Variants in TRIP13 observed in about 807,000 individuals in gnomAD.
The protein encoded by TRIP13 is thyroid hormone receptor interactor 13.
A neutral mutation model predicts 54.4 loss-of-function variants in TRIP13; 25 were observed. The ratio of observed to expected loss-of-function variants is 0.46; its 90% CI spans 0.33 to 0.64. The LOEUF (loss-of-function observed/expected upper bound fraction) is 0.64, where lower values mean the gene tolerates loss of function less well. Ranked by LOEUF, TRIP13 falls within the 30% of genes least tolerant of loss-of-function variation. The pLI is 0.02. For missense variants in TRIP13, 373 were observed against 534.2 expected, an observed-to-expected ratio of 0.70 and a Z score of 2.97; for synonymous variants, 207 against 207.8, an observed-to-expected ratio of 1.00 and a Z score of 0.03.
In TRIP13 at chr5:915,533, G is replaced by A. The variant is rs1253832462; in HGVS notation, c.1134-371G>A. Among the ~76,000 whole-genome samples the A allele has an allele frequency of 1.3e-5, 2 of 150,404 alleles. No individual in the cohort carries two copies. The highest frequency in any genetic ancestry group is 3.0e-5 in the Non-Finnish European group (2 of 67,386). ...CGGGCAGGTGATGCATTCCCTGAGC[G>A]CAAGGATGCTGGCCCTGGGGCAGAG... On this transcript the variant is annotated intron_variant, in intron 11 of 12. Transcript: ENST00000166345. This position sits in a 1 kb window ranked among gnomAD's most constrained non-coding sequence, Gnocchi z 4.2.
Position 907,774 on chromosome 5 carries a change from C to T in TRIP13, c.673-214C>T, listed in dbSNP as rs1175772047. ...GCAGGTCAGGTGTGGTCTCAGGTCTCAGCACCCTGGCATTCAAAGCAGAGG... is the reference window on the plus strand; with the variant it reads ...GCAGGTCAGGTGTGGTCTCAGGTCTTAGCACCCTGGCATTCAAAGCAGAGG... On this transcript the variant is annotated intron_variant, in intron 7 of 12. Coordinates refer to ENST00000166345, the MANE Select transcript of TRIP13 (RefSeq NM_004237.4). This position sits in a 1 kb window ranked among gnomAD's most constrained non-coding sequence, Gnocchi z 4.1. Among the ~76,000 whole-genome samples, 1 of 152,250 alleles carries T rather than the reference C, an allele frequency of 6.6e-6. No homozygotes were observed. The highest frequency in any genetic ancestry group is 2.4e-5 in the African/African-American group (1 of 41,470).
intron 5 of TRIP13, among the ~76,000 whole-genome samples, chr5:902,355 T>C (rs1325226672): frequency 6.6e-6 from 1 of 152,176 alleles, no homozygotes; most frequent in East Asian, 1.9e-4. Context: ...TAAAACACAA[T>C]GTTCTTTTAA....
At chr5:906,735 T>C (rs1202910233) in intron 6 of TRIP13, among the ~76,000 whole-genome samples, 1 of 152,202 alleles carries the variant, frequency 6.6e-6, no homozygotes, top group Non-Finnish European at 1.5e-5. Context: ...ATTCCTGGGC[T>C]CTGGGGTCTG....
intron 2 of TRIP13, among the ~76,000 whole-genome samples, chr5:896,457 C>T (rs775295554): frequency 1.3e-4 from 20 of 152,078 alleles, no homozygotes; most frequent in Non-Finnish European, 2.9e-4. Context: ...AAATGTAGGG[C>T]CCAAAGAGCA....
Position 907,134 on chromosome 5 carries a change from C to T in TRIP13, c.613C>T (p.Arg205Ter), listed in dbSNP as rs767260137. The T allele has an allele frequency of 6.2e-7, 1 of 1,613,822 alleles. No individual in the cohort carries two copies. Among genetic ancestry groups the T allele is most frequent in the Non-Finnish European group, 8.5e-7 (1 of 1,179,886 alleles). Reference sequence around the variant, plus strand: ...AACTCCTTTTTTCTATCTCAGGTACCGATATGGCCAATTAATTGAAATAAA... The same window carrying T: ...AACTCCTTTTTTCTATCTCAGGTACTGATATGGCCAATTAATTGAAATAAA... ...KLTIRLSSRY[R>*]YGQLIEINSH... Residue 205 changes from arginine to a stop codon, truncating the protein, a stop_gained, in exon 7 of 13, where the codon CGA (arginine) becomes TGA (stop). Transcript: ENST00000166345. LOFTEE classifies it high-confidence loss of function. The surrounding 1 kb of genome is among the most constrained non-coding windows in gnomAD (Gnocchi z 4.1).
chr5:917,323 CTGTT>C lies in TRIP13; in HGVS notation c.*224_*227del, dbSNP rs1754361186. On this transcript the variant is annotated 3_prime_UTR_variant, in exon 13 of 13. Transcript: ENST00000166345. ...AGAGACAAACATCTTGTCATTTTCA[CTGTT>C]TGTAAAAGATAATTCAGATTGTTTG... 2.1e-6 allele frequency: 1 copy of C among 486,696 alleles called. No individual in the cohort carries two copies. The highest frequency in any genetic ancestry group is 2.0e-5 in the African/African-American group (1 of 50,298). 30.1% of individuals were successfully genotyped at this position (486,696 alleles called of 1,614,324 possible). A position where few individuals can be genotyped will look rare whatever the true frequency, so the allele number is the denominator to read the frequency against.
At position 892,948 on chromosome 5, in the gene TRIP13, A is replaced by G. The variant is rs981681106; in HGVS notation, c.-51A>G. On this transcript the variant is annotated 5_prime_UTR_variant, in exon 1 of 13. Coordinates refer to ENST00000166345, the MANE Select transcript of TRIP13 (RefSeq NM_004237.4). ...GGCTGTGGCGGCGACGCTGGGCGTGAGGTGGCGGCGGCCGCGCCCTGGTTG... is the reference window on the plus strand; with the variant it reads ...GGCTGTGGCGGCGACGCTGGGCGTGGGGTGGCGGCGGCCGCGCCCTGGTTG... The G allele has an allele frequency of 2.5e-5, 35 of 1,416,178 alleles. No homozygotes were observed. Among genetic ancestry groups the G allele is most frequent in the Non-Finnish European group, 3.1e-5 (33 of 1,080,712 alleles). 87.7% of individuals were successfully genotyped at this position (1,416,178 alleles called of 1,614,324 possible).
chr5:893,021 T>G lies in TRIP13; in HGVS notation c.23T>G (p.Leu8Arg). Residue 8 changes from leucine (L) to arginine (R), a missense_variant, in exon 1 of 13, where the codon CTG becomes CGG. Physicochemically the swap from Leu to Arg is moderately radical, Grantham distance 102 (BLOSUM62 -2). This residue lies in a region of TRIP13 where 151 missense variants were observed against 151.9 expected (regional missense o/e 0.99). Coordinates refer to ENST00000166345, the MANE Select transcript of TRIP13 (RefSeq NM_004237.4). ...GCCATGGACGAGGCCGTGGGCGACC[T>G]GAAGCAGGCGCTTCCCTGTGTGGCC... MDEAVGDLKQALPCVAES... is the reference protein window; with the variant it reads MDEAVGDRKQALPCVAES... 1.3e-6 allele frequency: 2 copies of G among 1,591,032 alleles called. No individual in the cohort carries two copies. The highest frequency in any genetic ancestry group is 1.7e-6 in the Non-Finnish European group (2 of 1,172,924).
chr5:901,415 G>C lies in TRIP13; in HGVS notation c.519G>C (p.Arg173=). ...NVNSNLITWN[R]VVLLHGPPGT... ...ACAGCAACCTCATCACCTGGAACCG[G>C]GTGGTGCTGCTCCACGGTAAATTAT... Residue 173 remains arginine, a synonymous_variant, in exon 5 of 13, where the codon CGG becomes CGC. Coordinates refer to ENST00000166345, the MANE Select transcript of TRIP13 (RefSeq NM_004237.4). 1 of 1,614,122 alleles carries C rather than the reference G, an allele frequency of 6.2e-7. No individual in the cohort carries two copies. The highest frequency in any genetic ancestry group is 1.1e-5 in the South Asian group (1 of 91,066).
chr5:894,801 A>G lies in TRIP13; in HGVS notation c.107A>G (p.Glu36Gly), dbSNP rs1305561941. ...HQRGSSTAKK[E>G]DINLSVRKLL... ...TCTTTTTTTAGCACTGCAAAGAAAG[A>G]AGACATAAACCTGAGTGTTAGAAAG... is the stretch of plus-strand genomic sequence containing the variant. Residue 36 changes from glutamate to glycine, a missense_variant, in exon 2 of 13, where the codon GAA becomes GGA. By Grantham distance (98) the Glu-to-Gly change is moderately conservative. Coordinates refer to ENST00000166345, the MANE Select transcript of TRIP13 (RefSeq NM_004237.4). The G allele has an allele frequency of 1.2e-6, 2 of 1,601,954 alleles. No individual in the cohort carries two copies. The highest frequency in any genetic ancestry group is 2.7e-5 in the African/African-American group (2 of 74,534).
chr5:905,434 A>T (rs903681260), intron 6 of TRIP13, among the ~76,000 whole-genome samples: 2 of 152,134 alleles, frequency 1.3e-5, no homozygotes, highest in Non-Finnish European at 2.9e-5. Flanking sequence ...GTATTTCTTC[A>T]TATTTCCTTC....
At position 912,410 on chromosome 5, in the gene TRIP13, G is replaced by A. The variant is rs968879951; in HGVS notation, c.1020+414G>A. On this transcript the variant is annotated intron_variant, in intron 10 of 12. Transcript: ENST00000166345. This position sits in a 1 kb window ranked among gnomAD's most constrained non-coding sequence, Gnocchi z 7.2. ...GTAGTATGGGCCTGGTTTTGGTCACGGGGTCCACATGACGTCACGTTCTTG... is the reference window on the plus strand; with the variant it reads ...GTAGTATGGGCCTGGTTTTGGTCACAGGGTCCACATGACGTCACGTTCTTG... Among the ~76,000 whole-genome samples the A allele has an allele frequency of 1.3e-5, 2 of 152,092 alleles. No individual in the cohort carries two copies. The highest frequency in any genetic ancestry group is 2.9e-5 in the Non-Finnish European group (2 of 68,028).
chr5:908,090 T>G lies in TRIP13; in HGVS notation c.759+16T>G. 2 of 1,613,850 alleles carry G rather than the reference T, an allele frequency of 1.2e-6. No homozygotes were observed. Among genetic ancestry groups the G allele is most frequent in the Non-Finnish European group, 1.7e-6 (2 of 1,179,690 alleles). On this transcript the variant is annotated intron_variant, in intron 8 of 12. Coordinates refer to ENST00000166345, the MANE Select transcript of TRIP13 (RefSeq NM_004237.4). This position sits in a 1 kb window ranked among gnomAD's most constrained non-coding sequence, Gnocchi z 5.2. ...GATTGATGAGGTAGGCATTTCCAGA[T>G]AAGGAAATTCATGACAGAATCGCCT...
rs1754286641 is a variant in TRIP13 at position 913,734 on chromosome 5, C to T, written c.1021-731C>T. On this transcript the variant is annotated intron_variant, in intron 10 of 12. Transcript: ENST00000166345. The surrounding 1 kb of genome is among the most constrained non-coding windows in gnomAD (Gnocchi z 4.5). Reference sequence around the variant, plus strand: ...GTCACAGTGGATATTGAACTGGTCTCGAAAGCTCAATATCCCCCAAAGCAC... The same window carrying T: ...GTCACAGTGGATATTGAACTGGTCTTGAAAGCTCAATATCCCCCAAAGCAC... 6.6e-6 allele frequency among the ~76,000 whole-genome samples: 1 copy of T among 152,156 alleles called. No individual in the cohort carries two copies. Among genetic ancestry groups the T allele is most frequent in the African/African-American group, 2.4e-5 (1 of 41,416 alleles).
Position 908,567 on chromosome 5 carries a change from C to T in TRIP13, c.866+106C>T. On this transcript the variant is annotated intron_variant, in intron 9 of 12. Transcript: ENST00000166345. The surrounding 1 kb of genome is among the most constrained non-coding windows in gnomAD (Gnocchi z 5.2). ...TAGATCTTAGTGCCCAGCTCTTTCA[C>T]CGGAAAGTGCATTTGGCATTGAGTA... 1.3e-6 allele frequency: 2 copies of T among 1,540,118 alleles called. No individual in the cohort carries two copies. The highest frequency in any genetic ancestry group is 1.8e-6 in the Non-Finnish European group (2 of 1,141,234).
Position 894,886 on chromosome 5 carries a change from T to C in TRIP13, c.192T>C (p.Pro64=), listed in dbSNP as rs777918929. The C allele has an allele frequency of 3.1e-6, 5 of 1,613,558 alleles. No homozygotes were observed. Among genetic ancestry groups the C allele is most frequent in the South Asian group, 1.1e-5 (1 of 90,976 alleles). Residue 64 remains proline (P), a synonymous_variant, in exon 2 of 13, where the codon CCT becomes CCC. Coordinates refer to ENST00000166345, the MANE Select transcript of TRIP13 (RefSeq NM_004237.4). The part of the protein sequence containing the change: ...GDYTWTEFDE[P]FLTRNVQSVS... ...ACACATGGACTGAGTTTGATGAACC[T>C]TTTTTGACCAGAAATGTGCAGTCTG... is the stretch of plus-strand genomic sequence containing the variant.
chr5:895,402 G>A (rs1282804008), intron 2 of TRIP13, among the ~76,000 whole-genome samples: 1 of 152,146 alleles, frequency 6.6e-6, no homozygotes, highest in African/African-American at 2.4e-5. Flanking sequence ...GATGCGTATG[G>A]GTTAGAGGAG....
At position 915,512 on chromosome 5, in the gene TRIP13, C is replaced by T. The variant is rs1329037595; in HGVS notation, c.1134-392C>T. Among the ~76,000 whole-genome samples, 9 of 150,034 alleles carry T rather than the reference C, an allele frequency of 6.0e-5. No homozygotes were observed. The highest frequency in any genetic ancestry group is 2.2e-4 in the African/African-American group (9 of 40,464). ...TGGCCCTGGGGCAGAGGCTCCCGGG[C>T]AGGTGATGCATTCCCTGAGCGCAAG... On this transcript the variant is annotated intron_variant, in intron 11 of 12. Transcript: ENST00000166345. This position sits in a 1 kb window ranked among gnomAD's most constrained non-coding sequence, Gnocchi z 4.2.
downstream of TRIP13, chr5:918,181 T>G (rs948381106): frequency 9.2e-5 from 14 of 152,100 alleles, no homozygotes; most frequent in African/African-American, 2.9e-4. The surrounding 1 kb of genome is among the most constrained non-coding windows in gnomAD (Gnocchi z 4.3). Flanking sequence ...CAGAAGAAAT[T>G]GGGAAGGTGC....
Sources: gnomAD v4.1 joint callset for allele counts (sites outside exome capture counted in the v4.1 genomes callset) on GRCh38, gnomAD v4.1.1 for gene constraint, gnomAD v4.1.1 regional missense constraint, Gnocchi (gnomAD v3.1) non-coding constraint, MANE v1.5 for transcripts, NCBI Gene and HGNC (gene_info 2026-07-23, HGNC 2026-07-21) for gene names.